SNX13: variants seen among roughly 807,000 people sequenced by gnomAD.
The protein encoded by SNX13 is sorting nexin-13.
A neutral mutation model predicts 133.6 loss-of-function variants in SNX13; 45 were observed. That is an observed-to-expected ratio of 0.34 (90% CI 0.27 to 0.43). The LOEUF is 0.43. Ranked by LOEUF, SNX13 falls within the 20% of genes least tolerant of loss-of-function variation. The pLI is 1.00. For missense variants in SNX13, 1,032 were observed against 1,145.1 expected (o/e 0.90, Z 1.43); for synonymous variants, 414 against 373.9 (o/e 1.11, Z -1.24).
At chr7:17,837,156 G>C (rs1456215406) in intron 13 of SNX13, among the ~76,000 whole-genome samples, 1 of 151,892 alleles carries the variant, frequency 6.6e-6, no homozygotes, top group Admixed American at 6.6e-5. Context: ...TTTTTTAAGA[G>C]GCAGAATATT....
intron 1 of SNX13, among the ~76,000 whole-genome samples, chr7:17,939,163 C>T (rs1455783634): frequency 2.0e-5 from 3 of 152,138 alleles, no homozygotes; most frequent in African/African-American, 4.8e-5. Context: ...CAGGCAAGTA[C>T]GTGCTTTACC....
intron 13 of SNX13, among the ~76,000 whole-genome samples, chr7:17,838,847 C>T (rs1789488857): frequency 6.6e-6 from 1 of 151,480 alleles, no homozygotes; most frequent in African/African-American, 2.4e-5. Context: ...GCTTTTATGG[C>T]CTTGCAAATG....
chr7:17,884,364 T>G (rs1160618346), intron 5 of SNX13, among the ~76,000 whole-genome samples: 2 of 152,188 alleles, frequency 1.3e-5, no homozygotes, highest in East Asian at 3.8e-4. Flanking sequence ...ACAGAAACAT[T>G]TGGTTGTCAG....
chr7:17,926,280 T>G (rs553782041), intron 1 of SNX13, among the ~76,000 whole-genome samples: 8 of 152,204 alleles, frequency 5.3e-5, no homozygotes, highest in African/African-American at 1.9e-4. Context: ...TATAAAAAAT[T>G]AATTTAAATT....
intron 16 of SNX13, among the ~76,000 whole-genome samples, chr7:17,827,492 A>G (rs923161589): frequency 2.6e-5 from 4 of 151,996 alleles, no homozygotes; most frequent in Non-Finnish European, 5.9e-5. Flanking sequence ...AGGCAATTGC[A>G]TTCTAAGAAG....
At chr7:17,855,616 T>C (rs118177485) in intron 9 of SNX13, among the ~76,000 whole-genome samples, 13 of 152,304 alleles carry the variant, frequency 8.5e-5, no homozygotes, top group Admixed American at 3.3e-4. Context: ...GCCTGAATAA[T>C]AGCATGTCTG....
At chr7:17,807,736 G>C (rs893451595) in intron 20 of SNX13, among the ~76,000 whole-genome samples, 5 of 152,206 alleles carry the variant, frequency 3.3e-5, no homozygotes, top group Non-Finnish European at 5.9e-5. Context: ...CATCTGGAGA[G>C]TGCCCCTCTG....
At chr7:17,890,130 C>T (rs1218434272) in intron 5 of SNX13, 2 of 330,534 alleles carry the variant, frequency 6.1e-6, no homozygotes, top group African/African-American at 4.3e-5. Flanking sequence ...AACTACCAAA[C>T]AGACTTAGAA....
chr7:17,804,006 G>A (rs549271585), intron 20 of SNX13, among the ~76,000 whole-genome samples: 22 of 151,878 alleles, frequency 1.4e-4, no homozygotes, highest in South Asian at 8.3e-4. Flanking sequence ...GCAGTGAGCC[G>A]TGATCATGTC....
intron 1 of SNX13, among the ~76,000 whole-genome samples, chr7:17,928,367 G>T (rs1267471024): frequency 6.6e-6 from 1 of 152,068 alleles, no homozygotes; most frequent in African/African-American, 2.4e-5. Context: ...AGTTGGCTAG[G>T]ATTTGCTAAC....
intron 1 of SNX13, among the ~76,000 whole-genome samples, chr7:17,928,286 G>A (rs1800992392): frequency 6.6e-6 from 1 of 152,112 alleles, no homozygotes; most frequent in Non-Finnish European, 1.5e-5. Flanking sequence ...CTTGGGCCCA[G>A]GAGTTTGATT....
chr7:17,937,251 A>G (rs914404140), intron 1 of SNX13, among the ~76,000 whole-genome samples: 1 of 152,088 alleles, frequency 6.6e-6, no homozygotes, highest in African/African-American at 2.4e-5. Context: ...TTCAATGTAC[A>G]TATTAGTTTG....
At chr7:17,843,016 T>C (rs542417973) in intron 12 of SNX13, among the ~76,000 whole-genome samples, 1 of 152,106 alleles carries the variant, frequency 6.6e-6, no homozygotes, top group Non-Finnish European at 1.5e-5. Flanking sequence ...GTCAGTTATG[T>C]AGAAAAGACT....
chr7:17,877,033 C>A (rs1794800684), intron 5 of SNX13, among the ~76,000 whole-genome samples: 1 of 100,162 alleles, frequency 1.0e-5, no homozygotes, highest in African/African-American at 4.2e-5. Context: ...GACTTAATTA[C>A]TGTTACTTTT....
Position 17,826,070 on chromosome 7 carries a change from C to A in SNX13, c.1657G>T (p.Val553Phe). 4 of 1,547,598 alleles carry A rather than the reference C, an allele frequency of 2.6e-6. No individual in the cohort carries two copies. The highest frequency in any genetic ancestry group is 2.4e-5 in the East Asian group (1 of 41,828). ...AGTTGTACTGAGTCATCAGAAGAAA[C>A]ATTTGAAAGGTCATCTAAAGACTGA... ...INLSLDDLSNVSSDDSVQLHA... is the reference protein window; with the variant it reads ...INLSLDDLSNFSSDDSVQLHA... Residue 553 changes from valine (V) to phenylalanine (F), a missense_variant, in exon 17 of 26, where the codon GTT (valine) becomes TTT (phenylalanine). Physicochemically the swap from Val to Phe is conservative, Grantham distance 50. Coordinates refer to ENST00000428135, the MANE Select transcript of SNX13 (RefSeq NM_015132.5).
chr7:17,856,898 A>G lies in SNX13; in HGVS notation c.838-5934T>C, dbSNP rs557474865. ...CAAACCAAACCCCAAATTAAGATTT[A>G]TAACAAAAATAAATGAAATTGAGAC... On this transcript the variant is annotated intron_variant, in intron 9 of 25. Coordinates refer to ENST00000428135, the MANE Select transcript of SNX13 (RefSeq NM_015132.5). Among the ~76,000 whole-genome samples, 6 of 152,092 alleles carry G rather than the reference A, an allele frequency of 3.9e-5. 1 individual carries two copies. The South Asian group carries it at 1.2e-3, about 31-fold the overall frequency.
chr7:17,797,507 G>A (rs1449859567), intron 24 of SNX13, among the ~76,000 whole-genome samples: 2 of 151,764 alleles, frequency 1.3e-5, no homozygotes, highest in African/African-American at 4.8e-5. Flanking sequence ...CTGAAGGCAG[G>A]GACTGAGCAC....
At chr7:17,879,082 T>C (rs1467496211) in intron 5 of SNX13, among the ~76,000 whole-genome samples, 2 of 152,266 alleles carry the variant, frequency 1.3e-5, no homozygotes, top group Non-Finnish European at 2.9e-5. Flanking sequence ...TTATGCATTC[T>C]GATAATACCA....
intron 11 of SNX13, among the ~76,000 whole-genome samples, chr7:17,846,876 G>A (rs959079826): frequency 6.6e-6 from 1 of 152,202 alleles, no homozygotes; most frequent in Middle Eastern, 3.4e-3. Flanking sequence ...AATTCGCTGA[G>A]GATAAAGGTT....
Sources: gnomAD v4.1 joint callset for allele counts (sites outside exome capture counted in the v4.1 genomes callset) on GRCh38, gnomAD v4.1.1 for gene constraint, MANE v1.5 for transcripts, NCBI Gene and HGNC (gene_info 2026-07-23, HGNC 2026-07-21) for gene names.